WDR25: variants seen among roughly 807,000 people sequenced by gnomAD.
The protein encoded by WDR25 is WD repeat-containing protein 25.
A neutral mutation model predicts 47.7 loss-of-function variants in WDR25; 35 were observed. The observed-to-expected ratio is 0.73, with a 90% confidence interval of 0.56 to 0.97. The LOEUF is 0.97. Ranked by LOEUF, WDR25 falls within the 50% of genes least tolerant of loss-of-function variation. The pLI, the probability that WDR25 is intolerant of heterozygous loss-of-function variation, is 0.00. For synonymous variants in WDR25, 248 were observed against 278.9 expected (o/e 0.89, Z 1.10); for missense variants, 634 against 704.7 (o/e 0.90, Z 1.14).
intron 2 of WDR25, among the ~76,000 whole-genome samples, chr14:100,427,570 T>A (rs892631566): frequency 3.3e-5 from 5 of 152,198 alleles, no homozygotes; most frequent in African/African-American, 1.2e-4. Context: ...AGTGTGCTAA[T>A]GGCAGGTGTC....
Position 100,529,789 on chromosome 14 carries a change from G to T in WDR25, c.1414-31G>T. 6.2e-7 allele frequency: 1 copy of T among 1,601,744 alleles called. No individual in the cohort carries two copies. Among genetic ancestry groups the T allele is most frequent in the South Asian group, 1.1e-5 (1 of 90,064 alleles). On this transcript the variant is annotated intron_variant, in intron 6 of 6. Transcript: ENST00000402312. This position sits in a 1 kb window ranked among gnomAD's most constrained non-coding sequence, Gnocchi z 5.1. Reference sequence around the variant, plus strand: ...TACTCACCCCGGCTTGACAGGTGCGGCTTGCTCACCCACTGTGTCCCTCTC... The same window carrying T: ...TACTCACCCCGGCTTGACAGGTGCGTCTTGCTCACCCACTGTGTCCCTCTC...
intron 4 of WDR25, among the ~76,000 whole-genome samples, chr14:100,521,179 G>GAC (rs559590297): frequency 0.021 from 3,136 of 148,154 alleles, 52 homozygotes; most frequent in Non-Finnish European, 0.031. Flanking sequence ...CACACACATA[G>GAC]ACACACACAC....
intron 2 of WDR25, among the ~76,000 whole-genome samples, chr14:100,427,041 C>G (rs767232459): frequency 4.6e-5 from 7 of 152,140 alleles, no homozygotes; most frequent in Non-Finnish European, 8.8e-5. Context: ...GATAAAAGCC[C>G]GGTCCATCAA....
intron 2 of WDR25, 74 bp downstream of exon 2, chr14:100,381,820 G>A (rs879924921): frequency 1.0e-5 from 13 of 1,272,112 alleles, no homozygotes; most frequent in Non-Finnish European, 1.4e-5. Flanking sequence ...TGAAGTGGAG[G>A]GAGGTTACAG....
At chr14:100,418,522 C>T (rs1897934964) in intron 2 of WDR25, among the ~76,000 whole-genome samples, 1 of 151,370 alleles carries the variant, frequency 6.6e-6, no homozygotes, top group Admixed American at 6.6e-5. Context: ...CAAGTCCCAG[C>T]TACTTTTGGG....
intron 1 of WDR25, among the ~76,000 whole-genome samples, chr14:100,379,532 C>T (rs1293727184): frequency 4.0e-5 from 6 of 150,970 alleles, no homozygotes; most frequent in African/African-American, 1.5e-4. Flanking sequence ...GGACTACAGG[C>T]GCCTGCCACC....
At chr14:100,462,442 A>G (rs989618007) in intron 2 of WDR25, among the ~76,000 whole-genome samples, 1 of 152,234 alleles carries the variant, frequency 6.6e-6, no homozygotes, top group Non-Finnish European at 1.5e-5. Flanking sequence ...GACAGTGAAC[A>G]TTAAATTCAA....
intron 2 of WDR25, among the ~76,000 whole-genome samples, chr14:100,464,965 C>A (rs562120478): frequency 2.2e-4 from 34 of 151,410 alleles, no homozygotes; most frequent in African/African-American, 7.8e-4. Context: ...TCTCCCCTAC[C>A]CCATCTCATC....
chr14:100,448,273 T>A (rs1458916717), intron 2 of WDR25, among the ~76,000 whole-genome samples: 3 of 151,972 alleles, frequency 2.0e-5, no homozygotes, highest in African/African-American at 7.3e-5. Context: ...GATTGTACAT[T>A]CAGTAGGATC....
intron 2 of WDR25, among the ~76,000 whole-genome samples, chr14:100,443,112 G>A (rs1898718838): frequency 6.6e-6 from 1 of 152,216 alleles, no homozygotes; most frequent in Non-Finnish European, 1.5e-5. Context: ...GCTCTGTGGG[G>A]TGTGTTCACA....
At chr14:100,378,143 T>C (rs1178108611) in intron 1 of WDR25, among the ~76,000 whole-genome samples, 2 of 151,250 alleles carry the variant, frequency 1.3e-5, no homozygotes, top group African/African-American at 4.8e-5. Flanking sequence ...AACCATGTAT[T>C]GTGTATGATG....
At chr14:100,384,792 C>T (rs2140142695) in intron 2 of WDR25, among the ~76,000 whole-genome samples, 1 of 152,256 alleles carries the variant, frequency 6.6e-6, no homozygotes, top group Non-Finnish European at 1.5e-5. Context: ...TAAAATCTGC[C>T]AGTGTCTTCT....
intron 2 of WDR25, among the ~76,000 whole-genome samples, chr14:100,399,966 A>C (rs565975872): frequency 6.6e-6 from 1 of 152,342 alleles, no homozygotes; most frequent in East Asian, 1.9e-4. Flanking sequence ...TAAGTTACAC[A>C]TGGGAGAGGG....
intron 5 of WDR25, among the ~76,000 whole-genome samples, chr14:100,528,062 C>CCTGGG (rs1375884935): frequency 1.3e-5 from 2 of 152,110 alleles, no homozygotes; most frequent in East Asian, 1.9e-4. Context: ...TGTGTGGGTC[C>CCTGGG]CTGGGCTGGG....
At position 100,502,875 on chromosome 14, in the gene WDR25, C is replaced by T. The variant is rs750269405; in HGVS notation, c.1101+18751C>T. 6.6e-6 allele frequency among the ~76,000 whole-genome samples: 1 copy of T among 152,030 alleles called. No homozygotes were observed. Among genetic ancestry groups the T allele is most frequent in the Non-Finnish European group, 1.5e-5 (1 of 67,990 alleles). ...TAGGCATAAGGAATGTATAAAGGCA[C>T]GTAGGCACTAAAGGGCACAACATAT... On this transcript the variant is annotated intron_variant, in intron 4 of 6. Transcript: ENST00000402312. This position sits in a 1 kb window ranked among gnomAD's most constrained non-coding sequence, Gnocchi z 4.5.
At chr14:100,448,300 C>T (rs1898907548) in intron 2 of WDR25, among the ~76,000 whole-genome samples, 1 of 151,944 alleles carries the variant, frequency 6.6e-6, no homozygotes. Context: ...GAAACAATGT[C>T]TGCATAGAAA....
rs138592638 is a variant in WDR25 at position 100,428,108 on chromosome 14, C to T, written c.823-39913C>T. ...GCAGCAGGGCCTCATCACAGTTCCC[C>T]CTGGAGCATTCACGCAAGGTCACTT... On this transcript the variant is annotated intron_variant, in intron 2 of 6. Transcript: ENST00000402312. This position sits in a 1 kb window ranked among gnomAD's most constrained non-coding sequence, Gnocchi z 4.3. Among the ~76,000 whole-genome samples the T allele has an allele frequency of 3.7e-4, 56 of 152,336 alleles. No homozygotes were observed. In the East Asian group the frequency reaches 8.3e-3, roughly 23 times the overall value.
At chr14:100,518,333 T>C (rs1901576952) in intron 4 of WDR25, among the ~76,000 whole-genome samples, 1 of 152,206 alleles carries the variant, frequency 6.6e-6, no homozygotes, top group East Asian at 1.9e-4. Context: ...TGATGATACA[T>C]TTATGGTATT....
chr14:100,409,427 C>G (rs138813043), intron 2 of WDR25, among the ~76,000 whole-genome samples: 1 of 151,578 alleles, frequency 6.6e-6, no homozygotes, highest in African/African-American at 2.4e-5. Context: ...GACCCCCCCC[C>G]ACCCATCCCA....
Sources: gnomAD v4.1 joint callset for allele counts (sites outside exome capture counted in the v4.1 genomes callset) on GRCh38, gnomAD v4.1.1 for gene constraint, Gnocchi (gnomAD v3.1) non-coding constraint, MANE v1.5 for transcripts, NCBI Gene and HGNC (gene_info 2026-07-23, HGNC 2026-07-21) for gene names.